Variants in COL10A1 observed in about 807,000 individuals in gnomAD.
The protein encoded by COL10A1 is collagen alpha-1(X) chain.
Under a neutral mutation model 18.2 loss-of-function variants are expected in COL10A1, and 10 were observed. That is an observed-to-expected ratio of 0.55 (90% confidence interval 0.34 to 0.93). The LOEUF (loss-of-function observed/expected upper bound fraction) is 0.93, where lower values mean the gene tolerates loss of function less well. COL10A1 is among the 40% of genes least tolerant of loss of function. The pLI is 0.02. For synonymous variants in COL10A1, 330 were observed against 316.6 expected (o/e 1.04, Z -0.45); for missense variants, 897 against 853.5 (o/e 1.05, Z -0.64).
the COL10A1 span, among the ~76,000 whole-genome samples, chr6:116,183,404 T>C: frequency 6.6e-6 from 1 of 152,104 alleles, no homozygotes; most frequent in African/African-American, 2.4e-5. Flanking sequence ...TCTAGTTCTG[T>C]GAAGAATGGT....
chr6:116,188,598 T>C, the COL10A1 span, among the ~76,000 whole-genome samples: 4 of 151,974 alleles, frequency 2.6e-5, no homozygotes, highest in African/African-American at 4.8e-5. Flanking sequence ...CACTAGAGCA[T>C]AATTAGGTAG....
In COL10A1 at chr6:116,120,732, A is replaced by G. The variant is rs143928308; in HGVS notation, c.1384T>C (p.Phe462Leu). 8.2e-6 allele frequency: 13 copies of G among 1,589,458 alleles called. No homozygotes were observed. The African/African-American group carries it at 1.6e-4, about 20-fold the overall frequency. Residue 462 changes from phenylalanine to leucine, a missense_variant, in exon 3 of 3, where the codon TTC becomes CTC. Physicochemically the swap from Phe to Leu is conservative, Grantham distance 22. Coordinates refer to ENST00000651968, the MANE Select transcript of COL10A1 (RefSeq NM_000493.4). ...GPIGPPGIPG[F>L]PGSKGDPGSP... The stretch of plus-strand genomic sequence containing the variant: ...CCTGGATCCCCTTTAGACCCAGGGA[A>G]TCCTGGAATGCCTGGTGGCCCAATA...
At chr6:116,179,541 A>G in the COL10A1 span, among the ~76,000 whole-genome samples, 2 of 152,202 alleles carry the variant, frequency 1.3e-5, no homozygotes, top group Admixed American at 6.6e-5. Flanking sequence ...CAAAATGCTC[A>G]ACGTCACTAA....
chr6:116,125,578 G>A (rs1582818226), intron 1 of COL10A1, 71 bp from the exon 2 acceptor site: 7 of 1,387,566 alleles, frequency 5.0e-6, no homozygotes, highest in East Asian at 4.7e-5. Context: ...ATGTTTCACA[G>A]ATGAGTTCTT....
At chr6:116,178,340 A>G in the COL10A1 span, among the ~76,000 whole-genome samples, 1 of 152,164 alleles carries the variant, frequency 6.6e-6, no homozygotes, top group Non-Finnish European at 1.5e-5. Context: ...CATAAGCCCT[A>G]GGACACCTTT....
rs763133024 is a variant in COL10A1 at position 116,121,260 on chromosome 6, C to T, written c.856G>A (p.Ala286Thr). The part of the protein sequence containing the change: ...GIPGTKGLPG[A>T]PGIAGPPGPP... Reference sequence around the variant, plus strand: ...CCTGGGGGCCCAGCTATTCCTGGAGCCCCAGGGAGACCTTTTGTTCCTGGA... The same window carrying T: ...CCTGGGGGCCCAGCTATTCCTGGAGTCCCAGGGAGACCTTTTGTTCCTGGA... The change falls in exon 3 of 3, where the codon GCT becomes ACT. Residue 286 changes from alanine (A) to threonine (T), a missense_variant. Coordinates refer to ENST00000651968, the MANE Select transcript of COL10A1 (RefSeq NM_000493.4). 10 of 1,613,800 alleles carry T rather than the reference C, an allele frequency of 6.2e-6. No homozygotes were observed. Among genetic ancestry groups the T allele is most frequent in the African/African-American group, 1.3e-5 (1 of 74,900 alleles).
chr6:116,130,892 G>A (rs754421029), upstream of COL10A1, among the ~76,000 whole-genome samples: 99 of 151,862 alleles, frequency 6.5e-4, no homozygotes, highest in Non-Finnish European at 1.1e-3. Flanking sequence ...AAAAATATAA[G>A]CCGTTTGATT....
intron 1 of COL10A1, among the ~76,000 whole-genome samples, chr6:116,149,155 C>G (rs1452223616): frequency 1.3e-5 from 2 of 152,074 alleles, no homozygotes; most frequent in Non-Finnish European, 2.9e-5. Flanking sequence ...CCTGGCAGGA[C>G]ATTTTGGAGT....
chr6:116,213,132 C>G, the COL10A1 span, among the ~76,000 whole-genome samples: 1 of 152,098 alleles, frequency 6.6e-6, no homozygotes, highest in Non-Finnish European at 1.5e-5. Context: ...ACACAAAACT[C>G]AGTATCATGT....
chr6:116,177,860 G>A, the COL10A1 span, among the ~76,000 whole-genome samples: 1 of 152,156 alleles, frequency 6.6e-6, no homozygotes, highest in Non-Finnish European at 1.5e-5. Context: ...ATGCCTACTG[G>A]AAGGGCAGGG....
intron 1 of COL10A1, among the ~76,000 whole-genome samples, chr6:116,131,377 A>C (rs902808866): frequency 2.0e-5 from 3 of 152,190 alleles, no homozygotes; most frequent in Non-Finnish European, 4.4e-5. Context: ...GTTTTGATTT[A>C]TCCTTTTTAT....
At chr6:116,178,088 TGCGCGCGCGCGC>T in the COL10A1 span, among the ~76,000 whole-genome samples, 10 of 99,624 alleles carry the variant, frequency 1.0e-4, no homozygotes, top group Admixed American at 1.9e-4. Context: ...TGTGTGTGTG[TGCGCGCGCGCGC>T]GCGTGCGTGC....
intron 1 of COL10A1, among the ~76,000 whole-genome samples, chr6:116,157,628 G>A (rs1275967188): frequency 6.6e-6 from 1 of 152,130 alleles, no homozygotes; most frequent in African/African-American, 2.4e-5. Context: ...AAAATTACAT[G>A]AAACCACAAG....
At chr6:116,202,970 T>C in the COL10A1 span, among the ~76,000 whole-genome samples, 2 of 151,974 alleles carry the variant, frequency 1.3e-5, no homozygotes, top group African/African-American at 4.8e-5. Context: ...TAATAAACTT[T>C]TACTTTTCCA....
the COL10A1 span, among the ~76,000 whole-genome samples, chr6:116,211,559 T>A: frequency 6.6e-6 from 1 of 152,078 alleles, no homozygotes. Context: ...AACCTACAAA[T>A]TAATTTAACT....
At chr6:116,140,171 CATGCTCTCA>C (rs1779730765) in intron 1 of COL10A1, among the ~76,000 whole-genome samples, 1 of 152,178 alleles carries the variant, frequency 6.6e-6, no homozygotes, top group African/African-American at 2.4e-5. Context: ...TCCACCAGTG[CATGCTCTCA>C]GGTATTTTCA....
At chr6:116,206,337 A>G in the COL10A1 span, among the ~76,000 whole-genome samples, 1 of 152,002 alleles carries the variant, frequency 6.6e-6, no homozygotes. Flanking sequence ...ATTGCATATA[A>G]TTCACACAAT....
the COL10A1 span, among the ~76,000 whole-genome samples, chr6:116,168,621 T>G: frequency 6.6e-6 from 1 of 152,096 alleles, no homozygotes. Context: ...TTTTCCCCCT[T>G]TTTTTGATTG....
the COL10A1 span, among the ~76,000 whole-genome samples, chr6:116,206,029 G>GT: frequency 6.6e-6 from 1 of 151,950 alleles, no homozygotes; most frequent in Non-Finnish European, 1.5e-5. Context: ...CTAGCCCAGT[G>GT]TTTTTTCCTG....
Sources: gnomAD v4.1 joint callset for allele counts (sites outside exome capture counted in the v4.1 genomes callset) on GRCh38, gnomAD v4.1.1 for gene constraint, MANE v1.5 for transcripts, NCBI Gene and HGNC (gene_info 2026-07-23, HGNC 2026-07-21) for gene names.